The following SND1 variants were observed in gnomAD, a reference collection of about 807,000 sequenced individuals.
SND1 encodes staphylococcal nuclease domain-containing protein 1.
Under a neutral mutation model 121.7 loss-of-function variants are expected in SND1, and 38 were observed. The ratio of observed to expected loss-of-function variants is 0.31; its 90% CI spans 0.24 to 0.41. The LOEUF (loss-of-function observed/expected upper bound fraction) is 0.41, where lower values mean the gene tolerates loss of function less well. Among genes scored for constraint, SND1 ranks in the 10% least tolerant of loss-of-function variants. The probability of loss-of-function intolerance (pLI) is 1.00; values close to 1 mark genes in which losing one functional copy is unlikely to be tolerated. For synonymous variants in SND1, 401 were observed against 447.4 expected, an observed-to-expected ratio of 0.90 and a Z score of 1.31; for missense variants, 868 against 1,184.6, an observed-to-expected ratio of 0.73 and a Z score of 3.92.
intron 12 of SND1, among the ~76,000 whole-genome samples, chr7:127,863,713 A>G (rs1460354526): frequency 6.6e-6 from 1 of 152,204 alleles, no homozygotes; most frequent in Admixed American, 6.5e-5. Context: ...GCTCTAAGGT[A>G]TAAGTTGGCA....
intron 10 of SND1, among the ~76,000 whole-genome samples, chr7:127,770,563 G>T (rs556847712): frequency 4.1e-4 from 63 of 152,336 alleles, no homozygotes; most frequent in South Asian, 2.5e-3. Context: ...GCTTGGAAAG[G>T]TTAAGTTACT....
chr7:128,065,680 C>T (rs1793300990), intron 16 of SND1, among the ~76,000 whole-genome samples: 1 of 152,248 alleles, frequency 6.6e-6, no homozygotes, highest in South Asian at 2.1e-4. Context: ...CATAGAGGTT[C>T]TTTGGCTGGG....
chr7:128,019,348 T>C (rs143934185), intron 16 of SND1, among the ~76,000 whole-genome samples: 67 of 152,360 alleles, frequency 4.4e-4, no homozygotes, highest in African/African-American at 1.5e-3. Flanking sequence ...CTAATGTCTC[T>C]TGTGTAATGA....
intron 16 of SND1, among the ~76,000 whole-genome samples, chr7:128,041,672 A>C (rs1241019499): frequency 6.6e-6 from 1 of 152,218 alleles, no homozygotes; most frequent in Non-Finnish European, 1.5e-5. Flanking sequence ...TAGTTGGTCT[A>C]TTCATGTACA....
At chr7:127,852,445 A>G (rs1419906193) in intron 12 of SND1, among the ~76,000 whole-genome samples, 2 of 149,762 alleles carry the variant, frequency 1.3e-5, no homozygotes, top group Non-Finnish European at 3.0e-5. Flanking sequence ...CCAAGATCGC[A>G]CCACTGTACT....
chr7:127,858,757 C>T (rs1362016945), intron 12 of SND1, among the ~76,000 whole-genome samples: 1 of 152,126 alleles, frequency 6.6e-6, no homozygotes, highest in Non-Finnish European at 1.5e-5. Context: ...GACCTTCTAC[C>T]CTAAAAAGCA....
chr7:128,091,490 A>C (rs1015683998), intron 22 of SND1, among the ~76,000 whole-genome samples: 1 of 152,052 alleles, frequency 6.6e-6, no homozygotes, highest in Non-Finnish European at 1.5e-5. Context: ...AATTATAGGC[A>C]TGAGCCACCA....
intron 12 of SND1, among the ~76,000 whole-genome samples, chr7:127,877,598 C>CTTAT (rs1252754941): frequency 5.3e-5 from 8 of 152,084 alleles, no homozygotes; most frequent in South Asian, 2.1e-4. Context: ...TATCATCCTT[C>CTTAT]TTATTTATTT....
chr7:128,089,583 C>G lies in SND1; in HGVS notation c.2513C>G (p.Pro838Arg). The G allele has an allele frequency of 6.2e-7, 1 of 1,614,224 alleles. No homozygotes were observed. Among genetic ancestry groups the G allele is most frequent in the South Asian group, 1.1e-5 (1 of 91,080 alleles). The change falls in exon 22 of 24, where the codon CCC becomes CGC. Residue 838 changes from proline to arginine, a missense_variant. Pro to Arg is a moderately radical substitution (Grantham distance 103). Coordinates refer to ENST00000354725, the MANE Select transcript of SND1 (RefSeq NM_014390.4). The stretch of plus-strand genomic sequence containing the variant: ...GTGGAACACCTGAGTGCCGGCTGCC[C>G]CCATGTCACCCTGCAGTTTGCAGAT... ...LNVEHLSAGC[P>R]HVTLQFADSK...
At chr7:127,894,337 A>G (rs1211837125) in intron 13 of SND1, among the ~76,000 whole-genome samples, 3 of 151,900 alleles carry the variant, frequency 2.0e-5, no homozygotes, top group Non-Finnish European at 2.9e-5. Context: ...TTTATAGGGA[A>G]GTTTTTCCAT....
At chr7:127,835,796 G>A (rs566945959) in intron 11 of SND1, among the ~76,000 whole-genome samples, 1 of 152,090 alleles carries the variant, frequency 6.6e-6, no homozygotes, top group South Asian at 2.1e-4. Flanking sequence ...TTTCTCTAAG[G>A]TACCCCTCAG....
rs374448041 is a variant in SND1, at chr7:127,966,257, T to G, written c.1670-24690T>G. On this transcript the variant is annotated intron_variant, in intron 15 of 23. Coordinates refer to ENST00000354725, the MANE Select transcript of SND1 (RefSeq NM_014390.4). ...AGACTCCCACACATTAATAATGGGA[T>G]ACTTTAACACCCCACTGTCAACATT... is the stretch of plus-strand genomic sequence containing the variant. 6.6e-5 allele frequency among the ~76,000 whole-genome samples: 10 copies of G among 151,820 alleles called. No homozygotes were observed. The South Asian group carries it at 1.3e-3, about 19-fold the overall frequency.
At chr7:128,031,287 A>G (rs986384383) in intron 16 of SND1, among the ~76,000 whole-genome samples, 12 of 151,072 alleles carry the variant, frequency 7.9e-5, no homozygotes, top group African/African-American at 2.4e-4. Flanking sequence ...CTTCATCGCC[A>G]AAGTGCGCTC....
intron 10 of SND1, among the ~76,000 whole-genome samples, chr7:127,780,429 C>T (rs1302017156): frequency 6.6e-6 from 1 of 152,112 alleles, no homozygotes; most frequent in Admixed American, 6.5e-5. Context: ...TTGTCATGGC[C>T]TTTTAAAGTA....
intron 18 of SND1, among the ~76,000 whole-genome samples, chr7:128,083,097 T>G (rs374757265): frequency 1.1e-4 from 16 of 152,316 alleles, no homozygotes; most frequent in African/African-American, 3.8e-4. Flanking sequence ...CCCTCTCTGC[T>G]GAAACCTTTC....
chr7:127,812,467 C>T (rs1393835465), intron 11 of SND1, among the ~76,000 whole-genome samples: 5 of 152,198 alleles, frequency 3.3e-5, no homozygotes, highest in Non-Finnish European at 7.3e-5. Flanking sequence ...GTGAAGTCCT[C>T]GATAACATTG....
At chr7:128,069,515 C>T (rs1793372264) in intron 16 of SND1, among the ~76,000 whole-genome samples, 1 of 152,158 alleles carries the variant, frequency 6.6e-6, no homozygotes, top group East Asian at 1.9e-4. Flanking sequence ...ACCTCATGGG[C>T]CAGTCAGTGT....
intron 10 of SND1, among the ~76,000 whole-genome samples, chr7:127,767,553 G>A (rs1027876852): frequency 5.3e-5 from 8 of 152,150 alleles, no homozygotes; most frequent in African/African-American, 1.9e-4. Context: ...TTCTTCCATT[G>A]GTATGAATGT....
intron 15 of SND1, among the ~76,000 whole-genome samples, chr7:127,962,508 G>C (rs2116872576): frequency 6.6e-6 from 1 of 152,300 alleles, no homozygotes; most frequent in South Asian, 2.1e-4. Flanking sequence ...ATCAAATGTA[G>C]ACATGCCTGT....
Sources: gnomAD v4.1 joint callset for allele counts (sites outside exome capture counted in the v4.1 genomes callset) on GRCh38, gnomAD v4.1.1 for gene constraint, MANE v1.5 for transcripts, NCBI Gene and HGNC (gene_info 2026-07-23, HGNC 2026-07-21) for gene names.